Variants in UPF1 observed in about 807,000 individuals in gnomAD.
UPF1 encodes UPF1 RNA helicase and ATPase.
In UPF1, 9 loss-of-function variants were observed where a neutral mutation model predicts 129.2. That is an observed-to-expected ratio of 0.07 (90% CI 0.04 to 0.12). The LOEUF (loss-of-function observed/expected upper bound fraction) is 0.12. Ranked by LOEUF, UPF1 falls within the 10% of genes least tolerant of loss-of-function variation. The probability of loss-of-function intolerance (pLI) is 1.00; values close to 1 mark genes in which losing one functional copy is unlikely to be tolerated. For synonymous variants in UPF1, 649 were observed against 644.9 expected, an observed-to-expected ratio of 1.01 and a Z score of -0.10; for missense variants, 788 against 1,525.3, an observed-to-expected ratio of 0.52 and a Z score of 8.05.
chr19:18,837,977 AGT>A (rs1417938316), intron 1 of UPF1, among the ~76,000 whole-genome samples: 2 of 152,178 alleles, frequency 1.3e-5, no homozygotes, highest in Admixed American at 1.3e-4. Context: ...CACTTCTCTG[AGT>A]GTGTAAACCT....
chr19:18,850,355 C>A lies in UPF1; in HGVS notation c.629+113C>A. ...GCTCTAACTCCAGGGAGTTGTCCTC[C>A]AAAGATGGTTTTTGCTGAAGGGTGA... On this transcript the variant is annotated intron_variant, in intron 4 of 23. Coordinates refer to ENST00000262803, the MANE Select transcript of UPF1 (RefSeq NM_002911.4). The surrounding 1 kb of genome is among the most constrained non-coding windows in gnomAD (Gnocchi z 7.1). The A allele has an allele frequency of 7.1e-7, 1 of 1,418,180 alleles. No homozygotes were observed. Among genetic ancestry groups the A allele is most frequent in the Non-Finnish European group, 9.4e-7 (1 of 1,063,116 alleles). The allele number at this position is 1,418,180 out of a possible 1,614,324, so 87.8% of individuals were successfully genotyped here. A position where few individuals can be genotyped will look rare whatever the true frequency, so the allele number is the denominator to read the frequency against.
At chr19:18,857,693 G>C (rs2055733530) in intron 15 of UPF1, among the ~76,000 whole-genome samples, 160 bp downstream of exon 15, 1 of 152,214 alleles carries the variant, frequency 6.6e-6, no homozygotes, top group African/African-American at 2.4e-5. Flanking sequence ...TGATGGTATG[G>C]TCTTGGATCA....
In UPF1 at chr19:18,860,837, C is replaced by T. The variant is rs770207417; in HGVS notation, c.2312C>T (p.Ala771Val). ...GTSYLNRTEA[A>V]NVEKITTKLL... is the part of the protein sequence containing the mutation. ...CCTGGGTTTCTTAGGACCGAGGCTGCGAACGTGGAGAAGATCACCACGAAG... is the reference window on the plus strand; with the variant it reads ...CCTGGGTTTCTTAGGACCGAGGCTGTGAACGTGGAGAAGATCACCACGAAG... The change falls in exon 17 of 24, where the codon GCG (alanine) becomes GTG (valine). Residue 771 changes from alanine (A) to valine (V), a missense_variant. Around this residue, in one of 6 missense-constraint regions of UPF1, gnomAD observed 140 missense variants for 385.9 expected, o/e 0.36. Transcript: ENST00000262803. 4 of 1,612,100 alleles carry T rather than the reference C, an allele frequency of 2.5e-6. No individual in the cohort carries two copies. The highest frequency in any genetic ancestry group is 1.7e-5 in the Admixed American group (1 of 59,890).
intron 1 of UPF1, among the ~76,000 whole-genome samples, chr19:18,845,610 C>G (rs1335388148): frequency 2.0e-5 from 3 of 152,104 alleles, no homozygotes. Context: ...TGTGGTGGGT[C>G]TGGCATCATG....
chr19:18,854,508 T>G, intron 8 of UPF1, 93 bp from the exon 9 acceptor site: 1 of 1,035,868 alleles, frequency 9.7e-7, no homozygotes, highest in Non-Finnish European at 1.4e-6. Context: ...GTAACTAAAT[T>G]TTAAAAACGC....
chr19:18,854,776 C>A, intron 9 of UPF1, 67 bp downstream of exon 9: 1 of 1,605,766 alleles, frequency 6.2e-7, no homozygotes, highest in East Asian at 2.2e-5. Flanking sequence ...ATGAGCCCTC[C>A]CCGTCACTGT....
At chr19:18,848,241 G>T in intron 3 of UPF1, 1 of 177,994 alleles carries the variant, frequency 5.6e-6, no homozygotes, top group African/African-American at 2.4e-5. Flanking sequence ...GGCTAATTCA[G>T]GCCAGATCCT....
rs548708939 is a variant in UPF1 at position 18,846,371 on chromosome 19, C to T, written c.371+252C>T. The stretch of plus-strand genomic sequence containing the variant: ...GTGGGAAAAGTTTTCCTTCCTTTGG[C>T]CTCCTCAGACCCTGGGGGCATTGCC... On this transcript the variant is annotated intron_variant, in intron 2 of 23. Coordinates refer to ENST00000262803, the MANE Select transcript of UPF1 (RefSeq NM_002911.4). Among the ~76,000 whole-genome samples the T allele has an allele frequency of 2.0e-5, 3 of 152,280 alleles. 1 individual carries two copies. The South Asian group carries it at 6.2e-4, about 32-fold the overall frequency.
At chr19:18,855,468 C>T in intron 11 of UPF1, 2 of 606,924 alleles carry the variant, frequency 3.3e-6, no homozygotes, top group Non-Finnish European at 5.7e-6. Context: ...AAACTGGGGG[C>T]AGGGGGGGCA....
chr19:18,856,625 G>C (rs2055721113), intron 13 of UPF1, among the ~76,000 whole-genome samples: 1 of 152,216 alleles, frequency 6.6e-6, no homozygotes, highest in Non-Finnish European at 1.5e-5. Context: ...CTGCCCCTTG[G>C]AGGCTGTCGT....
At chr19:18,857,234 C>T (rs1201528503) in intron 14 of UPF1, 86 bp from the exon 15 acceptor site, 5 of 1,511,570 alleles carry the variant, frequency 3.3e-6, no homozygotes, top group Non-Finnish European at 4.5e-6. Context: ...TCCTGTGCAT[C>T]CTGGGGCCCC....
intron 3 of UPF1, 86 bp downstream of exon 3, chr19:18,847,919 A>G (rs951383281): frequency 9.0e-6 from 13 of 1,448,932 alleles, no homozygotes; most frequent in African/African-American, 8.4e-5. Flanking sequence ...AGCAAAGCGT[A>G]ATATAAAATC....
At chr19:18,864,864 G>A (rs1295032562) in intron 20 of UPF1, among the ~76,000 whole-genome samples, 1 of 146,510 alleles carries the variant, frequency 6.8e-6, no homozygotes, top group African/African-American at 2.5e-5. Flanking sequence ...TTGGCCTCCC[G>A]AGTAGCTGGG....
At chr19:18,854,562 C>G in intron 8 of UPF1, 39 bp from the exon 9 acceptor site, 1 of 1,558,014 alleles carries the variant, frequency 6.4e-7, no homozygotes, top group Non-Finnish European at 8.8e-7. Context: ...AAGGTCAGCC[C>G]GGCTTTTGAC....
At position 18,867,611 on chromosome 19, in the gene UPF1, A is replaced by G. The variant is rs913224175; in HGVS notation, c.*1094A>G. 3 of 152,484 alleles carry G rather than the reference A, an allele frequency of 2.0e-5. No homozygotes were observed. Among genetic ancestry groups the G allele is most frequent in the African/African-American group, 7.2e-5 (3 of 41,448 alleles). 9.4% of individuals were successfully genotyped at this position (152,484 alleles called of 1,614,324 possible). Reference sequence around the variant, plus strand: ...GGAGCGCTGCACACCGAAAGCCCAAATTGGGAGCTCTGCCTGCCGGCAACT... The same window carrying G: ...GGAGCGCTGCACACCGAAAGCCCAAGTTGGGAGCTCTGCCTGCCGGCAACT... On this transcript the variant is annotated 3_prime_UTR_variant, in exon 24 of 24. Coordinates refer to ENST00000262803, the MANE Select transcript of UPF1 (RefSeq NM_002911.4).
At chr19:18,857,121 G>C in intron 14 of UPF1, 101 bp downstream of exon 14, 1 of 1,536,002 alleles carries the variant, frequency 6.5e-7, no homozygotes, top group Admixed American at 1.9e-5. Context: ...GCCCAGCAGA[G>C]TGTGCGCACA....
intron 1 of UPF1, among the ~76,000 whole-genome samples, chr19:18,838,122 T>A (rs528668101): frequency 1.8e-4 from 27 of 152,386 alleles, no homozygotes; most frequent in Admixed American, 1.6e-3. Flanking sequence ...CCTGAGATTA[T>A]GACCAAGGCG....
chr19:18,847,868 G>C (rs774919696), intron 3 of UPF1, 35 bp downstream of exon 3: 3 of 1,591,778 alleles, frequency 1.9e-6, no homozygotes, highest in Non-Finnish European at 2.6e-6. Flanking sequence ...TGTTTAATCA[G>C]TGCTGTGCTC....
At chr19:18,860,546 C>A (rs1385940912) in intron 16 of UPF1, 108 bp downstream of exon 16, 1 of 1,159,924 alleles carries the variant, frequency 8.6e-7, no homozygotes, top group Non-Finnish European at 1.3e-6. Context: ...TTTTTGCCTT[C>A]ATTTCCTGTT....
Sources: gnomAD v4.1 joint callset for allele counts (sites outside exome capture counted in the v4.1 genomes callset) on GRCh38, gnomAD v4.1.1 for gene constraint, gnomAD v4.1.1 regional missense constraint, Gnocchi (gnomAD v3.1) non-coding constraint, MANE v1.5 for transcripts, NCBI Gene and HGNC (gene_info 2026-07-23, HGNC 2026-07-21) for gene names.